Variants in ADGRV1 observed in about 807,000 individuals in gnomAD.
ADGRV1 encodes the protein G-protein coupled receptor 98.
A neutral mutation model predicts 596.2 loss-of-function variants in ADGRV1; 359 were observed. The ratio of observed to expected loss-of-function variants is 0.60; its 90% CI spans 0.55 to 0.66. The LOEUF is 0.66. Among genes scored for constraint, ADGRV1 ranks in the 30% least tolerant of loss-of-function variants. The pLI is 0.00. For missense variants in ADGRV1, 7,274 were observed against 7,575.6 expected (o/e 0.96, Z 1.48); for synonymous variants, 2,681 against 2,679.2 (o/e 1.00, Z -0.02).
At chr5:90,870,331 A>C (rs1400086401) in intron 83 of ADGRV1, among the ~76,000 whole-genome samples, 5 of 152,160 alleles carry the variant, frequency 3.3e-5, no homozygotes. Flanking sequence ...AGACTAAGAG[A>C]TATTCAGTTA....
intron 50 of ADGRV1, among the ~76,000 whole-genome samples, chr5:90,736,900 TAA>T (rs539905927): frequency 6.6e-6 from 1 of 150,710 alleles, no homozygotes; most frequent in Non-Finnish European, 1.5e-5. Flanking sequence ...CTTTTTCTTT[TAA>T]AAAAAAACAA....
chr5:90,636,061 A>G (rs1467299677), intron 10 of ADGRV1, among the ~76,000 whole-genome samples: 6 of 151,960 alleles, frequency 3.9e-5, no homozygotes, highest in Non-Finnish European at 5.9e-5. Context: ...TGGAATGCTA[A>G]ATCTTAAGAA....
intron 83 of ADGRV1, among the ~76,000 whole-genome samples, chr5:90,897,311 C>A (rs552740784): frequency 1.2e-3 from 186 of 152,176 alleles, no homozygotes; most frequent in African/African-American, 4.2e-3. Context: ...TTAAATGATT[C>A]AACATTGAAT....
chr5:90,920,009 A>G lies in ADGRV1; in HGVS notation c.17857-45406A>G, dbSNP rs866843964. ...AACTCCATCTCAAAAAAAAAAAAAA[A>G]AAAAAAGAAAAATATTTTGGAAGAG... On this transcript the variant is annotated intron_variant, in intron 83 of 89. Transcript: ENST00000405460. 8.7e-3 allele frequency among the ~76,000 whole-genome samples: 1,315 copies of G among 151,990 alleles called. 19 individuals carry two copies. Among genetic ancestry groups the G allele is most frequent in the African/African-American group, 0.03 (1,255 of 41,414 alleles).
intron 84 of ADGRV1, among the ~76,000 whole-genome samples, chr5:90,982,408 T>C (rs990632278): frequency 1.3e-5 from 2 of 152,198 alleles, no homozygotes; most frequent in African/African-American, 2.4e-5. Flanking sequence ...TTAAAAAAAA[T>C]GGCAGTAACT....
chr5:91,034,809 A>G (rs1319338058), intron 85 of ADGRV1, among the ~76,000 whole-genome samples: 1 of 152,162 alleles, frequency 6.6e-6, no homozygotes. Flanking sequence ...CATCCTCTTT[A>G]TCCCCCTGTT....
In ADGRV1 at chr5:90,653,513, T is replaced by C; in HGVS notation, c.3939T>C (p.His1313=). The change falls in exon 20 of 90, where the codon CAT becomes CAC. Residue 1313 remains histidine (H), a synonymous_variant. Coordinates refer to ENST00000405460, the MANE Select transcript of ADGRV1 (RefSeq NM_032119.4). The part of the protein sequence containing the change: ...LLVGIFPTTV[H]LQQHMRRHHS... ...TTGGAATTTTCCCCACCACCGTGCA[T>C]TTACAACAGCACATGCGGCGTCACC... The C allele has an allele frequency of 1.2e-6, 2 of 1,613,890 alleles. No homozygotes were observed. The highest frequency in any genetic ancestry group is 1.7e-6 in the Non-Finnish European group (2 of 1,179,876).
chr5:90,678,387 A>G (rs1455381222), intron 25 of ADGRV1, among the ~76,000 whole-genome samples: 1 of 151,988 alleles, frequency 6.6e-6, no homozygotes, highest in Non-Finnish European at 1.5e-5. Context: ...GATGTATTAG[A>G]GGGAAAGGTA....
chr5:90,999,237 T>C (rs1270765023), intron 85 of ADGRV1, among the ~76,000 whole-genome samples: 1 of 152,082 alleles, frequency 6.6e-6, no homozygotes, highest in Non-Finnish European at 1.5e-5. Flanking sequence ...TACATCTTAA[T>C]ATGAGATGAG....
At chr5:91,029,092 A>C (rs533687530) in intron 85 of ADGRV1, among the ~76,000 whole-genome samples, 14 of 152,252 alleles carry the variant, frequency 9.2e-5, no homozygotes, top group Non-Finnish European at 1.9e-4. Context: ...CAAATGTACA[A>C]TTCCACTCCA....
intron 75 of ADGRV1, chr5:90,822,112 C>T (rs1432660721): frequency 6.4e-6 from 1 of 155,498 alleles, no homozygotes; most frequent in African/African-American, 2.4e-5. Flanking sequence ...GGGATATAAT[C>T]TCGTGGTGTG....
At position 90,679,533 on chromosome 5, in the gene ADGRV1, G is replaced by A. The variant is rs946451151; in HGVS notation, c.5444-16G>A. ...TGTGTGTTGTGTGGGTTGTGTCTCT[G>A]TGTCTCCTTGTGAAGTAGCTGAACT... On this transcript the variant is annotated splice_polypyrimidine_tract_variant and intron_variant, in intron 25 of 89. Coordinates refer to ENST00000405460, the MANE Select transcript of ADGRV1 (RefSeq NM_032119.4). 6.3e-7 allele frequency: 1 copy of A among 1,599,962 alleles called. No individual in the cohort carries two copies. The highest frequency in any genetic ancestry group is 8.6e-7 in the Non-Finnish European group (1 of 1,167,804).
chr5:90,981,735 T>C (rs1434972120), intron 84 of ADGRV1, among the ~76,000 whole-genome samples: 1 of 152,158 alleles, frequency 6.6e-6, no homozygotes, highest in Non-Finnish European at 1.5e-5. Context: ...GAATACAAAT[T>C]ATTGTAAAAT....
chr5:91,062,659 T>G (rs759615796), intron 85 of ADGRV1, among the ~76,000 whole-genome samples: 1 of 152,206 alleles, frequency 6.6e-6, no homozygotes, highest in African/African-American at 2.4e-5. Flanking sequence ...GTCACTTTAC[T>G]GCTAGCTCTC....
At chr5:90,850,353 G>A (rs763742615) in intron 79 of ADGRV1, among the ~76,000 whole-genome samples, 8 of 152,118 alleles carry the variant, frequency 5.3e-5, no homozygotes, top group African/African-American at 1.9e-4. Flanking sequence ...GCCTCACATG[G>A]GGCTTTTGAA....
chr5:91,152,278 T>G (rs144913849), intron 88 of ADGRV1, among the ~76,000 whole-genome samples: 62 of 152,340 alleles, frequency 4.1e-4, no homozygotes, highest in African/African-American at 1.5e-3. Flanking sequence ...ATACATTTAA[T>G]CATTCCAGGA....
chr5:90,841,033 T>C, intron 78 of ADGRV1, 48 bp downstream of exon 78: 1 of 1,374,700 alleles, frequency 7.3e-7, no homozygotes, highest in Non-Finnish European at 9.5e-7. Context: ...ATTTTGTAAA[T>C]TTAAAAACCC....
intron 83 of ADGRV1, among the ~76,000 whole-genome samples, chr5:90,939,577 A>G (rs1398164086): frequency 2.0e-5 from 3 of 152,220 alleles, no homozygotes; most frequent in African/African-American, 7.2e-5. Flanking sequence ...TGACAAGGAT[A>G]TAAAGTACTA....
At position 90,853,393 on chromosome 5, in the gene ADGRV1, C is replaced by T. The variant is rs749956288; in HGVS notation, c.17314C>T (p.Arg5772Ter). The change falls in exon 80 of 90, where the codon CGA (arginine) becomes TGA (stop). Residue 5772 changes from arginine (R) to a stop codon, truncating the protein, a stop_gained. Coordinates refer to ENST00000405460, the MANE Select transcript of ADGRV1 (RefSeq NM_032119.4). LOFTEE classifies it high-confidence loss of function. ...KFEGKEGDYIRIPERLLDVQD... is the reference protein window; with the variant it reads ...KFEGKEGDYI ...TGAAGGAAAGGAAGGAGATTACATT[C>T]GAATTCCAGAGAGGCTACTGGATGT... 15 of 1,613,352 alleles carry T rather than the reference C, an allele frequency of 9.3e-6. No homozygotes were observed. The highest frequency in any genetic ancestry group is 5.3e-5 in the African/African-American group (4 of 74,874).
Sources: gnomAD v4.1 joint callset for allele counts (sites outside exome capture counted in the v4.1 genomes callset) on GRCh38, gnomAD v4.1.1 for gene constraint, MANE v1.5 for transcripts, NCBI Gene and HGNC (gene_info 2026-07-23, HGNC 2026-07-21) for gene names.